Variants in EIF3H observed in about 807,000 individuals in gnomAD.
The protein encoded by EIF3H is eukaryotic translation initiation factor 3 subunit H, also known as eIF-3-gamma.
In EIF3H, 26 loss-of-function variants were observed where a neutral mutation model predicts 44.2. The ratio of observed to expected loss-of-function variants is 0.59; its 90% CI spans 0.43 to 0.82. The LOEUF is 0.82. Among genes scored for constraint, EIF3H ranks in the 40% least tolerant of loss-of-function variants. The probability of loss-of-function intolerance (pLI) is 0.00; values close to 1 mark genes in which losing one functional copy is unlikely to be tolerated. For synonymous variants in EIF3H, 166 were observed against 151.9 expected (o/e 1.09, Z -0.68); for missense variants, 359 against 432.8 (o/e 0.83, Z 1.51).
rs1235239189 is a variant in EIF3H, at chr8:116,680,200, G to A, written c.290-21220C>T. ...GCCAGCCGCCCCTTCCGGGAGGGTG[G>A]GGGGGGGGGTCAGCCCCCCGCCCGG... On this transcript the variant is annotated intron_variant, in intron 2 of 7. Coordinates refer to ENST00000521861, the MANE Select transcript of EIF3H (RefSeq NM_003756.3). Among the ~76,000 whole-genome samples the A allele has an allele frequency of 2.9e-4, 14 of 48,876 alleles. 1 individual carries two copies. In the East Asian group the frequency reaches 6.8e-3, roughly 24 times the overall value. 32.1% of individuals were successfully genotyped at this position (48,876 alleles called of 152,430 possible). A position where few individuals can be genotyped will look rare whatever the true frequency, so the allele number is the denominator to read the frequency against.
At chr8:116,656,057 A>T (rs770187852) in intron 4 of EIF3H, 52 bp from the exon 5 acceptor site, 4 of 1,557,886 alleles carry the variant, frequency 2.6e-6, no homozygotes, top group Non-Finnish European at 3.5e-6. Flanking sequence ...GTAAGTGCTA[A>T]ACTGACTACT....
chr8:116,644,723 G>A lies in EIF3H; in HGVS notation c.*283C>T. The A allele has an allele frequency of 3.0e-6, 1 of 329,374 alleles. No individual in the cohort carries two copies. Among genetic ancestry groups the A allele is most frequent in the Admixed American group, 4.2e-5 (1 of 23,800 alleles). 20.4% of individuals were successfully genotyped at this position (329,374 alleles called of 1,614,324 possible). ...AAAGTGGTGGAGCCTATAGGTTTCT[G>A]CCTGGTGAAACTTCCGGTCAGGGCT... On this transcript the variant is annotated 3_prime_UTR_variant, in exon 8 of 8. Coordinates refer to ENST00000521861, the MANE Select transcript of EIF3H (RefSeq NM_003756.3).
chr8:116,719,162 T>C (rs1338045022), intron 2 of EIF3H, among the ~76,000 whole-genome samples: 2 of 152,296 alleles, frequency 1.3e-5, no homozygotes, highest in East Asian at 3.9e-4. Context: ...GGACAACGGA[T>C]TGAGAAACAG....
intron 2 of EIF3H, among the ~76,000 whole-genome samples, chr8:116,722,860 C>T (rs16888695): frequency 0.12 from 18,905 of 152,150 alleles, 1,379 homozygotes; most frequent in African/African-American, 0.2. Flanking sequence ...ATCTGTGCTT[C>T]TTATTCCATG....
At chr8:116,759,384 T>A (rs143578077), upstream of EIF3H, among the ~76,000 whole-genome samples, 186 of 152,204 alleles carry the variant, frequency 1.2e-3, 4 homozygotes, top group East Asian at 0.034. Context: ...AAATAAAAAA[T>A]AAACAGTCTA....
chr8:116,759,717 G>T, upstream of EIF3H, among the ~76,000 whole-genome samples: 1 of 152,084 alleles, frequency 6.6e-6, no homozygotes, highest in South Asian at 2.1e-4. Context: ...GTATGTGTGT[G>T]TGTGCGTGTG....
At chr8:116,710,487 CT>C (rs1814555039) in intron 2 of EIF3H, among the ~76,000 whole-genome samples, 1 of 152,290 alleles carries the variant, frequency 6.6e-6, no homozygotes, top group African/African-American at 2.4e-5. Flanking sequence ...CGCTAATTTT[CT>C]GTTGACCTTC....
At chr8:116,757,879 G>A (rs1203023435), upstream of EIF3H, among the ~76,000 whole-genome samples, 5 of 152,046 alleles carry the variant, frequency 3.3e-5, no homozygotes, top group African/African-American at 1.2e-4. Flanking sequence ...CCACCACCCT[G>A]TCCAGCTAAT....
intron 1 of EIF3H, among the ~76,000 whole-genome samples, chr8:116,738,384 C>A (rs1815078218): frequency 6.6e-6 from 1 of 152,124 alleles, no homozygotes; most frequent in Admixed American, 6.5e-5. Context: ...CACTACAAGC[C>A]AAAGCATCTG....
chr8:116,743,167 G>A (rs189971242), intron 1 of EIF3H, among the ~76,000 whole-genome samples: 1 of 152,316 alleles, frequency 6.6e-6, no homozygotes, highest in East Asian at 1.9e-4. Flanking sequence ...TGGCAGGCAA[G>A]GCCAGGTGGT....
At chr8:116,700,332 C>A (rs1324382503) in intron 2 of EIF3H, among the ~76,000 whole-genome samples, 1 of 152,162 alleles carries the variant, frequency 6.6e-6, no homozygotes, top group Non-Finnish European at 1.5e-5. Flanking sequence ...GTACAACCTG[C>A]GGCCCAGGAC....
At chr8:116,724,815 T>A (rs567442751) in intron 2 of EIF3H, among the ~76,000 whole-genome samples, 2 of 152,100 alleles carry the variant, frequency 1.3e-5, no homozygotes, top group Non-Finnish European at 2.9e-5. Flanking sequence ...ATTAAGAAAT[T>A]GGAACCCTTG....
chr8:116,662,083 A>G (rs1048354232), intron 2 of EIF3H, among the ~76,000 whole-genome samples: 3 of 152,198 alleles, frequency 2.0e-5, no homozygotes, highest in Non-Finnish European at 4.4e-5. Context: ...ATATCACCTA[A>G]ATATCAAAAT....
chr8:116,680,533 C>A (rs1813964237), intron 2 of EIF3H, among the ~76,000 whole-genome samples: 1 of 85,408 alleles, frequency 1.2e-5, no homozygotes, highest in Non-Finnish European at 2.4e-5. Context: ...TTATCCCCAA[C>A]CCTGTGCTCT....
At position 116,673,664 on chromosome 8, in the gene EIF3H, T is replaced by C. The variant is rs980994168; in HGVS notation, c.290-14684A>G. On this transcript the variant is annotated intron_variant, in intron 2 of 7. Transcript: ENST00000521861. Reference sequence around the variant, plus strand: ...TCATAAATAAGGGGTAAAAATGTAATCTCGTCTCTAACTTCGAAGATTCAT... The same window carrying C: ...TCATAAATAAGGGGTAAAAATGTAACCTCGTCTCTAACTTCGAAGATTCAT... 6.6e-5 allele frequency among the ~76,000 whole-genome samples: 10 copies of C among 152,270 alleles called. 1 individual carries two copies. The highest frequency in any genetic ancestry group is 1.7e-4 in the African/African-American group (7 of 41,524).
chr8:116,656,736 C>A (rs1040706283), intron 4 of EIF3H, among the ~76,000 whole-genome samples: 2 of 152,024 alleles, frequency 1.3e-5, no homozygotes, highest in African/African-American at 4.8e-5. Context: ...AATAGGATCC[C>A]AAAACAGCTC....
chr8:116,703,499 A>G (rs1201115801), intron 2 of EIF3H, among the ~76,000 whole-genome samples: 1 of 152,240 alleles, frequency 6.6e-6, no homozygotes, highest in Non-Finnish European at 1.5e-5. Context: ...CTCCCGGTCC[A>G]CTTTCATGTT....
chr8:116,697,042 C>T (rs1256673676), intron 2 of EIF3H: 1 of 455,814 alleles, frequency 2.2e-6, no homozygotes, highest in Non-Finnish European at 4.4e-6. Flanking sequence ...CTGTGGACAG[C>T]CCTGGCTCAC....
At chr8:116,753,070 C>A (rs1413577757) in intron 1 of EIF3H, among the ~76,000 whole-genome samples, 1 of 151,796 alleles carries the variant, frequency 6.6e-6, no homozygotes, top group Non-Finnish European at 1.5e-5. Flanking sequence ...TTAAATGTTC[C>A]CTACATGATT....
Sources: gnomAD v4.1 joint callset for allele counts (sites outside exome capture counted in the v4.1 genomes callset) on GRCh38, gnomAD v4.1.1 for gene constraint, MANE v1.5 for transcripts, NCBI Gene and HGNC (gene_info 2026-07-23, HGNC 2026-07-21) for gene names.